HOMER2: variants seen among roughly 807,000 people sequenced by gnomAD.
HOMER2 encodes homer protein homolog 2.
In HOMER2, 27 loss-of-function variants were observed where a neutral mutation model predicts 47.0. That is an observed-to-expected ratio of 0.57 (90% confidence interval 0.42 to 0.79). The LOEUF is 0.79. Among genes scored for constraint, HOMER2 ranks in the 30% least tolerant of loss-of-function variants. The pLI, the probability that HOMER2 is intolerant of heterozygous loss-of-function variation, is 0.00. For missense variants in HOMER2, 443 were observed against 435.0 expected (o/e 1.02, Z -0.16); for synonymous variants, 161 against 163.8 (o/e 0.98, Z 0.13).
chr15:82,982,543 T>G (rs935091346), intron 1 of HOMER2, among the ~76,000 whole-genome samples: 2 of 152,166 alleles, frequency 1.3e-5, no homozygotes, highest in African/African-American at 4.8e-5. Flanking sequence ...ACCAGTTGAG[T>G]ATCCCTACTA....
chr15:82,897,123 G>C (rs761367508), intron 1 of HOMER2, among the ~76,000 whole-genome samples: 9 of 140,996 alleles, frequency 6.4e-5, no homozygotes, highest in Non-Finnish European at 1.1e-4. Flanking sequence ...CTGGAGTGTA[G>C]TGGCATGATC....
At chr15:82,904,174 T>C (rs1212521742) in intron 1 of HOMER2, among the ~76,000 whole-genome samples, 1 of 152,066 alleles carries the variant, frequency 6.6e-6, no homozygotes, top group Non-Finnish European at 1.5e-5. Context: ...TCAACACCTC[T>C]TCTCCGCTCT....
At chr15:82,882,367 G>A (rs1353181140) in intron 2 of HOMER2, among the ~76,000 whole-genome samples, 2 of 152,178 alleles carry the variant, frequency 1.3e-5, no homozygotes, top group African/African-American at 4.8e-5. Context: ...CCCTGGCTTG[G>A]TGCTAGGACT....
intron 1 of HOMER2, among the ~76,000 whole-genome samples, chr15:82,915,858 G>A (rs2151160860): frequency 6.6e-6 from 1 of 152,310 alleles, no homozygotes; most frequent in South Asian, 2.1e-4. Context: ...TAAACTAAAT[G>A]CCCCAAAGTT....
chr15:82,921,052 T>C (rs561957579), intron 1 of HOMER2, among the ~76,000 whole-genome samples: 9 of 152,226 alleles, frequency 5.9e-5, no homozygotes, highest in Admixed American at 3.3e-4. Flanking sequence ...CCCAGCACTT[T>C]GGGAGGCCAA....
intron 1 of HOMER2, among the ~76,000 whole-genome samples, chr15:82,951,292 C>T (rs2151239798): frequency 6.6e-6 from 1 of 152,328 alleles, no homozygotes; most frequent in East Asian, 1.9e-4. Context: ...CATGTTGGCC[C>T]ACAGCCCTCA....
intron 1 of HOMER2, among the ~76,000 whole-genome samples, chr15:82,929,520 G>A (rs886796710): frequency 6.6e-5 from 10 of 151,746 alleles, no homozygotes; most frequent in African/African-American, 1.9e-4. Flanking sequence ...GCCAGGTGTA[G>A]TGGTACACAC....
At chr15:82,879,253 T>C (rs968160023) in intron 2 of HOMER2, among the ~76,000 whole-genome samples, 12 of 152,182 alleles carry the variant, frequency 7.9e-5, no homozygotes, top group African/African-American at 2.9e-4. Flanking sequence ...CCCAGCACTT[T>C]GGGAGGCAAA....
Position 82,849,882 on chromosome 15 carries a change from TTTGA to T in HOMER2, c.861_864del (p.Asn287LysfsTer10). 1 of 1,613,830 alleles carries T rather than the reference TTTGA, an allele frequency of 6.2e-7. No individual in the cohort carries two copies. The highest frequency in any genetic ancestry group is 8.5e-7 in the Non-Finnish European group (1 of 1,179,778). ...AAGGAACGCACTTTGTCTTCCAGGTTTTGATTGTCTCTCTCTGCCGCCTGGCCAA... is the reference window on the plus strand; with the variant it reads ...AAGGAACGCACTTTGTCTTCCAGGTTTTGTCTCTCTCTGCCGCCTGGCCAA... On this transcript the variant is annotated frameshift_variant, in exon 9 of 9. Coordinates refer to ENST00000450735, the MANE Select transcript of HOMER2 (RefSeq NM_004839.4). LOFTEE classifies it high-confidence loss of function.
chr15:82,952,740 G>A (rs1447433857), upstream of HOMER2: 4 of 977,014 alleles, frequency 4.1e-6, no homozygotes, highest in African/African-American at 1.8e-5. Context: ...GGGGCTGGGC[G>A]GCCGCGCTGG....
At chr15:82,889,162 T>G (rs2052633370) in intron 2 of HOMER2, among the ~76,000 whole-genome samples, 1 of 152,180 alleles carries the variant, frequency 6.6e-6, no homozygotes, top group South Asian at 2.1e-4. Flanking sequence ...CCCCAAAAGC[T>G]AAACGCATCT....
upstream of HOMER2, among the ~76,000 whole-genome samples, chr15:82,957,349 C>T (rs1199810680): frequency 2.0e-5 from 3 of 151,450 alleles, no homozygotes; most frequent in Admixed American, 6.6e-5. Flanking sequence ...TAGTATAGTA[C>T]ATCTTCAATA....
intron 3 of HOMER2, 150 bp from the exon 4 acceptor site, chr15:82,864,409 G>A (rs984070439): frequency 2.3e-5 from 13 of 562,310 alleles, no homozygotes; most frequent in African/African-American, 2.3e-4. Flanking sequence ...TGAATATAAG[G>A]ATGTATATTC....
intron 1 of HOMER2, among the ~76,000 whole-genome samples, chr15:82,977,613 T>A (rs2030249934): frequency 6.6e-6 from 1 of 152,212 alleles, no homozygotes; most frequent in Non-Finnish European, 1.5e-5. Context: ...CTGATGTGTG[T>A]CAGCCTCAGT....
chr15:82,929,568 A>G (rs2053951361), intron 1 of HOMER2, among the ~76,000 whole-genome samples: 1 of 148,828 alleles, frequency 6.7e-6, no homozygotes, highest in Non-Finnish European at 1.5e-5. Flanking sequence ...AGGCAAGAGA[A>G]TCACTTGAAC....
At chr15:82,958,998 A>C (rs2054608777) in exon 2 of HOMER2, 1 of 152,432 alleles carries the variant, frequency 6.6e-6, no homozygotes, top group Non-Finnish European at 1.5e-5. Flanking sequence ...TGTCTCCTCC[A>C]CTAGACTATG....
Position 82,919,725 on chromosome 15 carries a change from A to T in HOMER2, c.6-26884T>A, listed in dbSNP as rs183662543. ...AATATTGTTCCCTGCAGAGGCAAAA[A>T]ATGTGCCAGGATTATAGTTCTTTCT... On this transcript the variant is annotated intron_variant, in intron 1 of 8. Coordinates refer to ENST00000450735, the MANE Select transcript of HOMER2 (RefSeq NM_004839.4). Among the ~76,000 whole-genome samples, 388 of 152,324 alleles carry T rather than the reference A, an allele frequency of 2.5e-3. 3 individuals are homozygous for T. Among genetic ancestry groups the T allele is most frequent in the African/African-American group, 8.6e-3 (356 of 41,578 alleles).
chr15:82,943,168 T>C (rs1377538554), intron 1 of HOMER2, among the ~76,000 whole-genome samples: 2 of 152,272 alleles, frequency 1.3e-5, no homozygotes, highest in Admixed American at 1.3e-4. Flanking sequence ...TTGTGCTAAA[T>C]GCTCTATACA....
intron 1 of HOMER2, among the ~76,000 whole-genome samples, chr15:82,942,858 C>T (rs2054295389): frequency 6.6e-6 from 1 of 152,208 alleles, no homozygotes; most frequent in African/African-American, 2.4e-5. Flanking sequence ...TATGAGGCAA[C>T]ATTTCACAGG....
Sources: gnomAD v4.1 joint callset for allele counts (sites outside exome capture counted in the v4.1 genomes callset) on GRCh38, gnomAD v4.1.1 for gene constraint, MANE v1.5 for transcripts, NCBI Gene and HGNC (gene_info 2026-07-23, HGNC 2026-07-21) for gene names.